Variants in PDE4B observed in about 807,000 individuals in gnomAD.
PDE4B encodes 3',5'-cyclic-AMP phosphodiesterase 4B.
A neutral mutation model predicts 82.2 loss-of-function variants in PDE4B; 20 were observed. The observed-to-expected ratio is 0.24, with a 90% CI of 0.17 to 0.35. The LOEUF is 0.35. Ranked by LOEUF, PDE4B falls within the 10% of genes least tolerant of loss-of-function variation. The probability of loss-of-function intolerance (pLI) is 1.00; values close to 1 mark genes in which losing one functional copy is unlikely to be tolerated. For missense variants in PDE4B, 655 were observed against 907.2 expected (o/e 0.72, Z 3.57); for synonymous variants, 320 against 318.9 (o/e 1.00, Z -0.04).
At chr1:65,893,383 C>A (rs1196024974) in intron 1 of PDE4B, among the ~76,000 whole-genome samples, 1 of 151,978 alleles carries the variant, frequency 6.6e-6, no homozygotes, top group Non-Finnish European at 1.5e-5. Context: ...AAATGCTCAA[C>A]ATCACTAATC....
intron 3 of PDE4B, among the ~76,000 whole-genome samples, chr1:66,207,126 C>G (rs1649618029): frequency 1.3e-5 from 2 of 152,262 alleles, no homozygotes; most frequent in African/African-American, 4.8e-5. Context: ...ATTCTTGAAT[C>G]AGGCTGAGGT....
chr1:66,312,480 G>A lies in PDE4B; in HGVS notation c.635-20028G>A, dbSNP rs971216113. On this transcript the variant is annotated intron_variant, in intron 7 of 16. Transcript: ENST00000341517. Reference sequence around the variant, plus strand: ...GCTGGTCAGACCTTTCTCACCTTCCGTCACTGTGACACTAAATCTTCTGCT... The same window carrying A: ...GCTGGTCAGACCTTTCTCACCTTCCATCACTGTGACACTAAATCTTCTGCT... Among the ~76,000 whole-genome samples, 12 of 152,122 alleles carry A rather than the reference G, an allele frequency of 7.9e-5. 1 individual carries two copies. The highest frequency in any genetic ancestry group is 2.1e-4 in the South Asian group (1 of 4,834).
rs2050695145 is a variant in PDE4B, at chr1:66,370,229, A to G, written c.1845+1260A>G. On this transcript the variant is annotated intron_variant, in intron 16 of 16. Transcript: ENST00000341517. Reference sequence around the variant, plus strand: ...AAGTCTAATATACTGTAAAAATGCAAGTTAACATTGTTAATGAGGGTTAAT... The same window carrying G: ...AAGTCTAATATACTGTAAAAATGCAGGTTAACATTGTTAATGAGGGTTAAT... 2.0e-5 allele frequency among the ~76,000 whole-genome samples: 3 copies of G among 152,052 alleles called. No homozygotes were observed. In the South Asian group the frequency reaches 6.2e-4, roughly 32 times the overall value.
chr1:65,955,037 G>A (rs796865498), intron 3 of PDE4B, among the ~76,000 whole-genome samples: 1 of 151,958 alleles, frequency 6.6e-6, no homozygotes, highest in South Asian at 2.1e-4. Flanking sequence ...CTTGAGAATC[G>A]CAAACAAGAA....
chr1:66,365,639 T>A (rs7538869), intron 12 of PDE4B, 28 bp from the exon 13 acceptor site: 11 of 1,328,208 alleles, frequency 8.3e-6, no homozygotes, highest in Non-Finnish European at 1.1e-5. Context: ...ATTGGATGTG[T>A]AGTTAAATGT....
chr1:66,307,895 G>C (rs1344334693), intron 7 of PDE4B, among the ~76,000 whole-genome samples: 1 of 152,120 alleles, frequency 6.6e-6, no homozygotes, highest in Non-Finnish European at 1.5e-5. Context: ...GAATGAAGGA[G>C]TTAAGTCGAG....
intron 3 of PDE4B, among the ~76,000 whole-genome samples, chr1:66,189,420 C>T (rs1205584315): frequency 6.6e-6 from 1 of 152,202 alleles, no homozygotes; most frequent in Non-Finnish European, 1.5e-5. Flanking sequence ...TAATATCCTG[C>T]AGAGTGTTTT....
intron 3 of PDE4B, among the ~76,000 whole-genome samples, chr1:65,925,385 T>A (rs1394105181): frequency 6.6e-6 from 1 of 152,060 alleles, no homozygotes; most frequent in African/African-American, 2.4e-5. Context: ...GTACAATCAG[T>A]GTGCAAAAAA....
chr1:66,026,701 G>A (rs534980957), intron 3 of PDE4B, among the ~76,000 whole-genome samples: 4 of 152,328 alleles, frequency 2.6e-5, no homozygotes, highest in East Asian at 1.9e-4. Context: ...TATAGTGTGT[G>A]CTCACTAAAT....
chr1:65,969,465 T>C (rs557549522), intron 3 of PDE4B, among the ~76,000 whole-genome samples: 1 of 152,268 alleles, frequency 6.6e-6, no homozygotes, highest in East Asian at 1.9e-4. Flanking sequence ...CCAAACACGG[T>C]ATGGAAGAGT....
At chr1:66,260,949 G>A (rs1302770413) in intron 6 of PDE4B, among the ~76,000 whole-genome samples, 4 of 152,174 alleles carry the variant, frequency 2.6e-5, no homozygotes, top group Admixed American at 2.6e-4. Flanking sequence ...CCAGTGGTAA[G>A]ATAGTTGTAT....
chr1:66,171,960 C>T (rs1288749451), intron 3 of PDE4B, among the ~76,000 whole-genome samples: 1 of 152,144 alleles, frequency 6.6e-6, no homozygotes, highest in Admixed American at 6.6e-5. Flanking sequence ...TAAAAAATTT[C>T]AACTTCTGTT....
chr1:66,368,690 C>CG, intron 15 of PDE4B, 97 bp from the exon 16 acceptor site: 1 of 884,218 alleles, frequency 1.1e-6, no homozygotes. Context: ...AAAATGTTCT[C>CG]GGGTTTAGTA....
chr1:66,362,788 T>C (rs887295736), intron 10 of PDE4B, among the ~76,000 whole-genome samples: 1 of 152,156 alleles, frequency 6.6e-6, no homozygotes, highest in African/African-American at 2.4e-5. Flanking sequence ...GAGACTGTTT[T>C]CCAGCTGTCA....
intron 7 of PDE4B, among the ~76,000 whole-genome samples, chr1:66,306,930 C>T (rs919953946): frequency 2.0e-5 from 3 of 151,878 alleles, no homozygotes; most frequent in African/African-American, 7.3e-5. Context: ...TGTAAAAGAT[C>T]GGGGACAATG....
At chr1:66,248,279 G>A (rs938240947) in intron 4 of PDE4B, among the ~76,000 whole-genome samples, 1 of 152,194 alleles carries the variant, frequency 6.6e-6, no homozygotes, top group African/African-American at 2.4e-5. Flanking sequence ...GATCTAGGTT[G>A]TGTCACCCAT....
At chr1:66,129,578 T>C (rs1465823363) in intron 3 of PDE4B, among the ~76,000 whole-genome samples, 3 of 146,528 alleles carry the variant, frequency 2.0e-5, no homozygotes, top group South Asian at 2.1e-4. Flanking sequence ...GAGAATGGCG[T>C]GAACCCGGGA....
chr1:65,966,462 G>A (rs1649836503), intron 3 of PDE4B, among the ~76,000 whole-genome samples: 1 of 152,058 alleles, frequency 6.6e-6, no homozygotes, highest in Non-Finnish European at 1.5e-5. Context: ...CATGAAAATG[G>A]CCATACTGAC....
At chr1:66,201,015 A>G (rs1219711233) in intron 3 of PDE4B, among the ~76,000 whole-genome samples, 2 of 151,940 alleles carry the variant, frequency 1.3e-5, no homozygotes, top group African/African-American at 2.4e-5. Flanking sequence ...TTTGAGATAC[A>G]TCCCATCAAT....
Sources: allele counts gnomAD v4.1 joint callset (sites outside exome capture counted in the v4.1 genomes callset), GRCh38; gene constraint gnomAD v4.1.1; transcripts MANE v1.5; gene names NCBI Gene and HGNC (gene_info 2026-07-23, HGNC 2026-07-21).